SMPX: variants seen among roughly 807,000 people sequenced by gnomAD.
SMPX encodes small muscle protein X-linked.
In SMPX, 2 loss-of-function variants were observed where a neutral mutation model predicts 6.3. The observed-to-expected ratio is 0.32, with a 90% confidence interval of 0.13 to 0.99. The LOEUF is 0.99. Ranked by LOEUF, SMPX falls within the 50% of genes least tolerant of loss-of-function variation. SMPX has a pLI of 0.49. For synonymous variants in SMPX, 32 were observed against 24.7 expected (o/e 1.30, Z -0.88); for missense variants, 60 against 66.8 (o/e 0.90, Z 0.36).
At chrX:21,715,315 C>T (rs920908709) in intron 4 of SMPX, among the ~76,000 whole-genome samples, 18 of 109,579 alleles carry the variant, frequency 1.6e-4, no homozygotes, top group Non-Finnish European at 3.4e-4. Flanking sequence ...CGCGCACGCG[C>T]GCGCGCTCGC....
At chrX:21,745,201 A>C (rs2092820143) in intron 2 of SMPX, among the ~76,000 whole-genome samples, 1 of 112,411 alleles carries the variant, frequency 8.9e-6, no homozygotes, top group South Asian at 3.7e-4. Context: ...ATTTTTAATC[A>C]GTATGTACCG....
At chrX:21,746,494 C>T (rs2092821539) in intron 2 of SMPX, among the ~76,000 whole-genome samples, 2 of 111,281 alleles carry the variant, frequency 1.8e-5, no homozygotes, top group South Asian at 7.6e-4. Flanking sequence ...GAGACTTACA[C>T]TTTGAGAGTG....
intron 4 of SMPX, among the ~76,000 whole-genome samples, chrX:21,721,626 C>T (rs2092791819): frequency 8.9e-6 from 1 of 112,340 alleles, no homozygotes; most frequent in African/African-American, 3.2e-5. Flanking sequence ...GCCTATCCTG[C>T]CACCCTCTAA....
intron 4 of SMPX, among the ~76,000 whole-genome samples, chrX:21,709,778 C>T (rs757757928): frequency 9.8e-5 from 11 of 112,009 alleles, no homozygotes; most frequent in African/African-American, 3.6e-4. Flanking sequence ...TGCTGGATGA[C>T]ATATGGCCAG....
In SMPX at chrX:21,743,602, GT is replaced by G. The variant is rs1462160396; in HGVS notation, c.132+147del. On this transcript the variant is annotated intron_variant, in intron 3 of 4. Transcript: ENST00000379494. Reference sequence around the variant, plus strand: ...GACTGAGCAAGACAACTAAAAAAATGTACATACTGTATGTTATTCCTTGACA... The same window carrying G: ...GACTGAGCAAGACAACTAAAAAAATGACATACTGTATGTTATTCCTTGACA... 1.8e-4 allele frequency: 89 copies of G among 500,763 alleles called. No individual in the cohort carries two copies. The Middle Eastern group carries it at 5.5e-3, about 31-fold the overall frequency. 41.3% of individuals were successfully genotyped at this position (500,763 alleles called of 1,213,427 possible).
rs2092772589 is a variant in SMPX, at chrX:21,706,129, C to T, written c.*280G>A. 1.9e-6 allele frequency: 1 copy of T among 512,908 alleles called. No individual in the cohort carries two copies. The highest frequency in any genetic ancestry group is 3.5e-6 in the Non-Finnish European group (1 of 286,541). 42.3% of individuals were successfully genotyped at this position (512,908 alleles called of 1,213,427 possible). Reference sequence around the variant, plus strand: ...TCATCAAAATCGTTAGGCACATTGCCATATCATTCTCCATAAAATCATATC... The same window carrying T: ...TCATCAAAATCGTTAGGCACATTGCTATATCATTCTCCATAAAATCATATC... On this transcript the variant is annotated 3_prime_UTR_variant, in exon 5 of 5. Transcript: ENST00000379494.
At chrX:21,749,285 T>A (rs1311190045) in intron 2 of SMPX, among the ~76,000 whole-genome samples, 1 of 112,580 alleles carries the variant, frequency 8.9e-6, no homozygotes, top group Non-Finnish European at 1.9e-5. Flanking sequence ...TTCAAGACCA[T>A]GTTTATCATT....
At chrX:21,740,537 A>G (rs2147388636) in intron 3 of SMPX, among the ~76,000 whole-genome samples, 1 of 112,446 alleles carries the variant, frequency 8.9e-6, no homozygotes, top group South Asian at 3.7e-4. Context: ...CAGATATCCT[A>G]CTGAGTTTTT....
chrX:21,706,041 G>T lies in SMPX; in HGVS notation c.*368C>A, dbSNP rs766930192. ...AGTTTAGTGACATAATTTAAAAGGT[G>T]AAGAACTAAAACGCATTCCAAATAT... is the stretch of plus-strand genomic sequence containing the variant. On this transcript the variant is annotated 3_prime_UTR_variant, in exon 5 of 5. Transcript: ENST00000379494. 1 of 502,332 alleles carries T rather than the reference G, an allele frequency of 2.0e-6. No individual in the cohort carries two copies. Among genetic ancestry groups the T allele is most frequent in the South Asian group, 2.6e-5 (1 of 38,282 alleles). 41.4% of individuals were successfully genotyped at this position (502,332 alleles called of 1,213,427 possible). A position where few individuals can be genotyped will look rare whatever the true frequency, so the allele number is the denominator to read the frequency against.
chrX:21,732,622 G>A (rs973536832), intron 4 of SMPX, among the ~76,000 whole-genome samples: 6 of 112,127 alleles, frequency 5.4e-5, no homozygotes, highest in Middle Eastern at 4.2e-3. Flanking sequence ...GGAGCTATGC[G>A]ATAGCATCAT....
chrX:21,739,995 A>G (rs2092814389), intron 3 of SMPX, among the ~76,000 whole-genome samples: 1 of 112,330 alleles, frequency 8.9e-6, no homozygotes, highest in Non-Finnish European at 1.9e-5. Context: ...TCTACTTATT[A>G]AAACTTCAAT....
chrX:21,718,184 A>C (rs181466662), intron 4 of SMPX, among the ~76,000 whole-genome samples: 1 of 112,769 alleles, frequency 8.9e-6, no homozygotes, highest in Non-Finnish European at 1.9e-5. Context: ...TGAAGTGCAC[A>C]GGTCACTTTG....
At chrX:21,735,343 A>G (rs907465109) in intron 4 of SMPX, among the ~76,000 whole-genome samples, 11 of 112,488 alleles carry the variant, frequency 9.8e-5, no homozygotes, top group African/African-American at 3.6e-4. Context: ...ATTCAGATCA[A>G]TTACCCTGAC....
intron 4 of SMPX, among the ~76,000 whole-genome samples, chrX:21,734,350 G>A (rs933829190): frequency 8.9e-6 from 1 of 111,814 alleles, no homozygotes; most frequent in Non-Finnish European, 1.9e-5. Context: ...CATGAAGCCT[G>A]AGGTGGTATC....
chrX:21,754,147 C>T, intron 2 of SMPX, 99 bp downstream of exon 2: 7 of 755,639 alleles, frequency 9.3e-6, no homozygotes, highest in South Asian at 2.1e-5. Flanking sequence ...TTATGAAGAA[C>T]TTAATTTTCT....
chrX:21,738,823 T>C (rs1207550169), intron 3 of SMPX, among the ~76,000 whole-genome samples: 1 of 110,985 alleles, frequency 9.0e-6, no homozygotes, highest in Non-Finnish European at 1.9e-5. Flanking sequence ...CTTGCCTCAG[T>C]ACGGCACTGA....
intron 2 of SMPX, among the ~76,000 whole-genome samples, chrX:21,746,014 G>C (rs148567178): frequency 3.6e-5 from 4 of 111,726 alleles, no homozygotes; most frequent in East Asian, 5.6e-4. Context: ...CTTAACAATA[G>C]TGAAAAGAGC....
intron 1 of SMPX, among the ~76,000 whole-genome samples, chrX:21,756,212 A>T (rs1317852660): frequency 8.9e-6 from 1 of 112,718 alleles, no homozygotes; most frequent in Non-Finnish European, 1.9e-5. Context: ...CATCAATTTG[A>T]AACAGGGATT....
chrX:21,747,653 T>TGCCA (rs755919156), intron 2 of SMPX, among the ~76,000 whole-genome samples: 2 of 111,542 alleles, frequency 1.8e-5, no homozygotes, highest in East Asian at 2.8e-4. Flanking sequence ...TTCTGAGAGC[T>TGCCA]GCCAGCCGGC....
Sources: allele counts gnomAD v4.1 joint callset (sites outside exome capture counted in the v4.1 genomes callset), GRCh38; gene constraint gnomAD v4.1.1; transcripts MANE v1.5; gene names NCBI Gene and HGNC (gene_info 2026-07-23, HGNC 2026-07-21).